NBEAL1: variants seen among roughly 807,000 people sequenced by gnomAD.
NBEAL1 encodes neurobeachin like 1, also known as neurobeachin-like protein 1.
Under a neutral mutation model 351.3 loss-of-function variants are expected in NBEAL1, and 273 were observed. The observed-to-expected ratio is 0.78, with a 90% CI of 0.70 to 0.86. The LOEUF (loss-of-function observed/expected upper bound fraction) is 0.86, where lower values mean the gene tolerates loss of function less well. Ranked by LOEUF, NBEAL1 falls within the 40% of genes least tolerant of loss-of-function variation. The probability of loss-of-function intolerance (pLI) is 0.00; values close to 1 mark genes in which losing one functional copy is unlikely to be tolerated. For synonymous variants in NBEAL1, 1,050 were observed against 1,086.4 expected, an observed-to-expected ratio of 0.97 and a Z score of 0.66; for missense variants, 2,961 against 3,201.3, an observed-to-expected ratio of 0.92 and a Z score of 1.81.
At chr2:203,106,870 C>T (rs2062451247) in intron 12 of NBEAL1, among the ~76,000 whole-genome samples, 1 of 152,108 alleles carries the variant, frequency 6.6e-6, no homozygotes, top group Admixed American at 6.5e-5. Flanking sequence ...TTCAAAAATA[C>T]ATGTGACATA....
chr2:203,120,046 GTC>G (rs1400985002), intron 18 of NBEAL1, among the ~76,000 whole-genome samples: 3 of 152,022 alleles, frequency 2.0e-5, no homozygotes, highest in Admixed American at 6.6e-5. Context: ...ATAAATAAAA[GTC>G]TCTGTCTGTA....
chr2:203,206,297 C>T (rs1162828353), intron 51 of NBEAL1, among the ~76,000 whole-genome samples: 7 of 152,160 alleles, frequency 4.6e-5, no homozygotes, highest in African/African-American at 1.7e-4. Flanking sequence ...TTTCAAAGGG[C>T]TGCAGCCAAG....
intron 55 of NBEAL1, 140 bp downstream of exon 55, chr2:203,213,793 A>G (rs1243749940): frequency 2.7e-6 from 4 of 1,503,250 alleles, no homozygotes; most frequent in Non-Finnish European, 3.5e-6. Flanking sequence ...GGCAGTAAAT[A>G]AAAACAGGAT....
In NBEAL1 at chr2:203,223,120, C is replaced by A. The variant is rs929035940; in HGVS notation, c.*5766C>A. Among the ~76,000 whole-genome samples the A allele has an allele frequency of 5.3e-5, 8 of 152,098 alleles. No homozygotes were observed. The highest frequency in any genetic ancestry group is 1.7e-4 in the African/African-American group (7 of 41,420). On this transcript the variant is annotated 3_prime_UTR_variant, in exon 56 of 56. Coordinates refer to ENST00000683969, the MANE Select transcript of NBEAL1 (RefSeq NM_001378026.1). ...TGGTGATTATCTCATTGATCTTTGTCACACGTGAGTGATTTCTAAACACAT... is the reference window on the plus strand; with the variant it reads ...TGGTGATTATCTCATTGATCTTTGTAACACGTGAGTGATTTCTAAACACAT...
intron 36 of NBEAL1, among the ~76,000 whole-genome samples, chr2:203,163,358 CAG>C (rs1277251735): frequency 1.3e-5 from 2 of 152,110 alleles, no homozygotes; most frequent in African/African-American, 2.4e-5. Context: ...AAAAAGCAAA[CAG>C]ATTTCAATTT....
At chr2:203,201,038 T>C (rs1280691284) in intron 49 of NBEAL1, among the ~76,000 whole-genome samples, 5 of 152,230 alleles carry the variant, frequency 3.3e-5, no homozygotes, top group Non-Finnish European at 7.3e-5. Context: ...TCACAGGTAT[T>C]GCACTTGGAA....
chr2:203,224,740 TA>T lies in NBEAL1; in HGVS notation c.*7387del, dbSNP rs1214769861. Among the ~76,000 whole-genome samples the T allele has an allele frequency of 2.0e-5, 3 of 152,150 alleles. No homozygotes were observed. Among genetic ancestry groups the T allele is most frequent in the Non-Finnish European group, 4.4e-5 (3 of 67,994 alleles). On this transcript the variant is annotated 3_prime_UTR_variant, in exon 56 of 56. Coordinates refer to ENST00000683969, the MANE Select transcript of NBEAL1 (RefSeq NM_001378026.1). ...CTGGAATTGACCATGAAAAAGAAAA[TA>T]TTATGCCTTATTTATATCTAATTAT...
At chr2:203,118,705 C>A (rs989264870) in intron 18 of NBEAL1, among the ~76,000 whole-genome samples, 1 of 151,856 alleles carries the variant, frequency 6.6e-6, no homozygotes, top group Non-Finnish European at 1.5e-5. Flanking sequence ...GATTCTCTTG[C>A]CTCAGCCTCC....
chr2:203,186,093 C>G (rs540921264), intron 44 of NBEAL1, among the ~76,000 whole-genome samples: 1 of 152,164 alleles, frequency 6.6e-6, no homozygotes, highest in Non-Finnish European at 1.5e-5. Context: ...AGTAAATCTT[C>G]GTTGGTCATA....
At chr2:203,122,139 T>A in intron 18 of NBEAL1, 115 bp from the exon 19 acceptor site, 1 of 579,290 alleles carries the variant, frequency 1.7e-6, no homozygotes, top group Non-Finnish European at 2.9e-6. Flanking sequence ...ATTATGGGCA[T>A]CTTATCTTTG....
chr2:203,017,984 A>T (rs747308598), intron 2 of NBEAL1, among the ~76,000 whole-genome samples: 1 of 152,002 alleles, frequency 6.6e-6, no homozygotes, highest in Non-Finnish European at 1.5e-5. Flanking sequence ...ACGATTTAAA[A>T]TTTTTTCACT....
rs2065977069 is a variant in NBEAL1 at position 203,223,466 on chromosome 2, CATT to C, written c.*6116_*6118del. Among the ~76,000 whole-genome samples the C allele has an allele frequency of 2.6e-5, 4 of 151,978 alleles. No individual in the cohort carries two copies. The South Asian group carries it at 8.3e-4, about 32-fold the overall frequency. On this transcript the variant is annotated 3_prime_UTR_variant, in exon 56 of 56. Coordinates refer to ENST00000683969, the MANE Select transcript of NBEAL1 (RefSeq NM_001378026.1). ...GTTTCCACTTATGTAATGGCTGTCT[CATT>C]ATTTAAATTAATTTATAATTATTTT...
chr2:203,174,121 C>T (rs2064410411), intron 41 of NBEAL1, among the ~76,000 whole-genome samples: 1 of 139,406 alleles, frequency 7.2e-6, no homozygotes, highest in Non-Finnish European at 1.5e-5. Flanking sequence ...TTCTAGGTAT[C>T]AATTTTCACA....
chr2:203,169,725 T>G (rs1559033292), intron 38 of NBEAL1, 22 bp from the exon 39 acceptor site: 1 of 1,355,554 alleles, frequency 7.4e-7, no homozygotes, highest in Non-Finnish European at 1.0e-6. Context: ...ATTTTTAAAG[T>G]ATAAAATGCT....
At chr2:203,166,053 G>GA (rs1158363938) in intron 36 of NBEAL1, 96 bp from the exon 37 acceptor site, 67 of 1,196,022 alleles carry the variant, frequency 5.6e-5, no homozygotes, top group Admixed American at 6.8e-5. Flanking sequence ...TCAAAAAAAA[G>GA]AAAAAAAAGA....
At chr2:203,194,084 T>C (rs780788065) in intron 47 of NBEAL1, among the ~76,000 whole-genome samples, 173 bp downstream of exon 47, 141 of 152,338 alleles carry the variant, frequency 9.3e-4, no homozygotes, top group Admixed American at 3.5e-3. Flanking sequence ...AAGCTTTTGT[T>C]TGCTGCTGAG....
chr2:203,057,435 G>A lies in NBEAL1; in HGVS notation c.497G>A (p.Trp166Ter). The change falls in exon 6 of 56, where the codon TGG (tryptophan) becomes TAG (stop). Residue 166 changes from tryptophan (W) to a stop codon, truncating the protein, a stop_gained. Coordinates refer to ENST00000683969, the MANE Select transcript of NBEAL1 (RefSeq NM_001378026.1). LOFTEE classifies it high-confidence loss of function. ...CESLYDPYRN[W>*]RHRISGRILS... ...AGCTTATATGATCCATATCGGAATTGGAGACATAGAATTTCAGGGTATGTC... is the reference window on the plus strand; with the variant it reads ...AGCTTATATGATCCATATCGGAATTAGAGACATAGAATTTCAGGGTATGTC... 6.4e-7 allele frequency: 1 copy of A among 1,550,520 alleles called. No homozygotes were observed. Among genetic ancestry groups the A allele is most frequent in the Non-Finnish European group, 8.7e-7 (1 of 1,145,686 alleles).
chr2:203,130,480 C>T lies in NBEAL1; in HGVS notation c.3564+4C>T, dbSNP rs1240718770. 3.6e-6 allele frequency: 5 copies of T among 1,406,262 alleles called. No individual in the cohort carries two copies. 87.1% of individuals were successfully genotyped at this position (1,406,262 alleles called of 1,614,324 possible). On this transcript the variant is annotated splice_donor_region_variant and intron_variant, in intron 25 of 55. Transcript: ENST00000683969. ...ACTAAGAGAAATCATTTTTAAGGTA[C>T]AAACATTTCTTAAACATCTTTGTAT...
At chr2:203,214,629 G>T (rs1483372126) in intron 55 of NBEAL1, among the ~76,000 whole-genome samples, 1 of 152,088 alleles carries the variant, frequency 6.6e-6, no homozygotes, top group East Asian at 1.9e-4. Flanking sequence ...ACAAAAATTA[G>T]CCGGGTGTGG....
Sources: allele counts gnomAD v4.1 joint callset (sites outside exome capture counted in the v4.1 genomes callset), GRCh38; gene constraint gnomAD v4.1.1; transcripts MANE v1.5; gene names NCBI Gene and HGNC (gene_info 2026-07-23, HGNC 2026-07-21).